Variants in APLF observed in about 807,000 individuals in gnomAD.
The protein encoded by APLF is aprataxin and PNK-like factor.
In APLF, 61 loss-of-function variants were observed where a neutral mutation model predicts 55.6. That is an observed-to-expected ratio of 1.10 (90% CI 0.89 to 1.36). The LOEUF is 1.36. Ranked by LOEUF, APLF falls within the 40% of genes most tolerant of loss-of-function variation. APLF has a pLI of 0.00. For synonymous variants in APLF, 207 were observed against 214.8 expected (o/e 0.96, Z 0.32); for missense variants, 611 against 602.5 (o/e 1.01, Z -0.15).
intron 8 of APLF, among the ~76,000 whole-genome samples, chr2:68,561,889 G>A (rs545568732): frequency 3.9e-5 from 6 of 152,122 alleles, no homozygotes; most frequent in African/African-American, 1.2e-4. Context: ...GCATTAACTC[G>A]AGAAAGTTTT....
At chr2:68,575,297 G>T (rs866587168) in intron 9 of APLF, among the ~76,000 whole-genome samples, 49 of 152,294 alleles carry the variant, frequency 3.2e-4, no homozygotes, top group African/African-American at 1.2e-3. Flanking sequence ...ACCATGCTTG[G>T]ACTGTTCTAG....
At chr2:68,530,554 G>C (rs989009088) in intron 6 of APLF, among the ~76,000 whole-genome samples, 41 of 152,248 alleles carry the variant, frequency 2.7e-4, no homozygotes, top group Admixed American at 6.5e-4. Context: ...ATTCCATATG[G>C]ATAAAAGTCA....
intron 1 of APLF, among the ~76,000 whole-genome samples, chr2:68,489,613 G>GA (rs1676292715): frequency 1.3e-5 from 2 of 152,138 alleles, no homozygotes; most frequent in Non-Finnish European, 2.9e-5. Context: ...ATTTCTTACT[G>GA]AAAATGTTTG....
In APLF at chr2:68,467,708, G is replaced by T. The variant is rs1318873736; in HGVS notation, c.-24G>T. The T allele has an allele frequency of 2.4e-6, 3 of 1,234,250 alleles. No homozygotes were observed. The highest frequency in any genetic ancestry group is 3.0e-6 in the Non-Finnish European group (3 of 987,584). 76.5% of individuals were successfully genotyped at this position (1,234,250 alleles called of 1,614,324 possible). A position where few individuals can be genotyped will look rare whatever the true frequency, so the allele number is the denominator to read the frequency against. On this transcript the variant is annotated 5_prime_UTR_variant, in exon 1 of 10. Coordinates refer to ENST00000303795, the MANE Select transcript of APLF (RefSeq NM_173545.3). ...ACAGCGGAGGGGCCAGTCTCCTGGC[G>T]AAGGGGCCTAATCCTTGCCCGCCAT... is the stretch of plus-strand genomic sequence containing the variant.
At chr2:68,546,913 G>A (rs927368534) in intron 8 of APLF, among the ~76,000 whole-genome samples, 6 of 151,734 alleles carry the variant, frequency 4.0e-5, no homozygotes, top group African/African-American at 1.4e-4. Context: ...ACTAAGACAA[G>A]AAAAGGAAAA....
chr2:68,494,014 G>A (rs559511781), intron 2 of APLF, among the ~76,000 whole-genome samples: 10 of 151,542 alleles, frequency 6.6e-5, no homozygotes, highest in Non-Finnish European at 1.3e-4. Context: ...AGGCTGAGAC[G>A]GGAGAATGGC....
chr2:68,476,251 C>T (rs562686055), intron 1 of APLF, among the ~76,000 whole-genome samples: 6 of 151,842 alleles, frequency 4.0e-5, no homozygotes, highest in Admixed American at 3.9e-4. Flanking sequence ...TTTGGGAGGC[C>T]GAGACGGGCA....
chr2:68,472,910 CAG>C (rs1675663946), intron 1 of APLF, among the ~76,000 whole-genome samples: 1 of 152,058 alleles, frequency 6.6e-6, no homozygotes, highest in East Asian at 1.9e-4. Flanking sequence ...GTGGAAAGTA[CAG>C]AGAGTTCCCA....
intron 3 of APLF, among the ~76,000 whole-genome samples, chr2:68,508,532 T>C (rs1490555407): frequency 1.3e-5 from 2 of 151,850 alleles, no homozygotes; most frequent in Admixed American, 1.3e-4. Context: ...GTGTAAATCT[T>C]TGTGACCTTG....
chr2:68,578,542 T>C lies in APLF; in HGVS notation c.*520T>C, dbSNP rs1446191454. The C allele has an allele frequency of 3.0e-6, 3 of 985,638 alleles. No individual in the cohort carries two copies. The highest frequency in any genetic ancestry group is 1.7e-5 in the African/African-American group (1 of 57,228). The allele number at this position is 985,638 out of a possible 1,614,324, so 61.1% of individuals were successfully genotyped here. ...GAGCTTTGCAATTTCACTTACTACT[T>C]TTATCCTTCAAAACTTGGGAAGATT... On this transcript the variant is annotated 3_prime_UTR_variant, in exon 10 of 10. Transcript: ENST00000303795.
chr2:68,537,263 A>C (rs902719151), intron 6 of APLF, among the ~76,000 whole-genome samples: 3 of 152,000 alleles, frequency 2.0e-5, no homozygotes, highest in African/African-American at 4.8e-5. Context: ...TTCAAATGAA[A>C]GCAAATGTCT....
chr2:68,490,297 T>C (rs1459022020), intron 2 of APLF, 36 bp downstream of exon 2: 2 of 1,571,296 alleles, frequency 1.3e-6, no homozygotes, highest in Middle Eastern at 1.7e-4. Flanking sequence ...TTAACTTTCA[T>C]CTCTTACCCT....
chr2:68,568,461 T>G (rs1671366794), intron 9 of APLF: 1 of 266,376 alleles, frequency 3.8e-6, no homozygotes, highest in Non-Finnish European at 5.8e-6. Flanking sequence ...TCCCTTTATC[T>G]GAGCTAACAT....
At chr2:68,518,603 T>TA (rs376976545) in intron 5 of APLF, among the ~76,000 whole-genome samples, 2,374 of 84,398 alleles carry the variant, frequency 0.028, 33 homozygotes, top group Middle Eastern at 0.056. Flanking sequence ...GAATATATAA[T>TA]ATATCATTAA....
At chr2:68,571,326 T>G (rs1189583486) in intron 9 of APLF, among the ~76,000 whole-genome samples, 2 of 152,196 alleles carry the variant, frequency 1.3e-5, no homozygotes, top group Non-Finnish European at 2.9e-5. Flanking sequence ...ATTTTGGCTT[T>G]TGTTGCCATT....
At chr2:68,538,805 T>C (rs1157832602) in intron 7 of APLF, among the ~76,000 whole-genome samples, 1 of 152,206 alleles carries the variant, frequency 6.6e-6, no homozygotes, top group Non-Finnish European at 1.5e-5. Context: ...CTTTCATCCA[T>C]AGTGTTTATA....
chr2:68,477,660 G>A (rs1269481417), intron 1 of APLF, among the ~76,000 whole-genome samples: 1 of 152,034 alleles, frequency 6.6e-6, no homozygotes, highest in Non-Finnish European at 1.5e-5. Context: ...TTCTCACACT[G>A]CTAATAAAGA....
chr2:68,539,412 C>A (rs1189917759), intron 7 of APLF, among the ~76,000 whole-genome samples: 2 of 152,226 alleles, frequency 1.3e-5, no homozygotes, highest in Non-Finnish European at 2.9e-5. Context: ...CTGCCACTTT[C>A]TCACTGTGTC....
intron 1 of APLF, among the ~76,000 whole-genome samples, chr2:68,473,060 T>G (rs1434832900): frequency 6.6e-6 from 1 of 152,174 alleles, no homozygotes; most frequent in African/African-American, 2.4e-5. Flanking sequence ...TGGGGTTAAC[T>G]CTTGGTATTG....
Sources: gnomAD v4.1 joint callset for allele counts (sites outside exome capture counted in the v4.1 genomes callset) on GRCh38, gnomAD v4.1.1 for gene constraint, MANE v1.5 for transcripts, NCBI Gene and HGNC (gene_info 2026-07-23, HGNC 2026-07-21) for gene names.